The following OSBP2 variants were observed in gnomAD, a reference collection of about 807,000 sequenced individuals.
OSBP2 encodes the protein oxysterol binding protein 2, also known as oxysterol-binding protein 2.
In OSBP2, 66 loss-of-function variants were observed where a neutral mutation model predicts 96.0. The ratio of observed to expected loss-of-function variants is 0.69; its 90% CI spans 0.56 to 0.84. The LOEUF (loss-of-function observed/expected upper bound fraction) is 0.84. OSBP2 is among the 40% of genes least tolerant of loss of function. OSBP2 has a pLI of 0.00. For synonymous variants in OSBP2, 525 were observed against 520.9 expected, an observed-to-expected ratio of 1.01 and a Z score of -0.11; for missense variants, 1,038 against 1,222.7, an observed-to-expected ratio of 0.85 and a Z score of 2.25.
In OSBP2 at chr22:30,893,745, C is replaced by T; in HGVS notation, c.2190+12C>T. 1 of 1,613,786 alleles carries T rather than the reference C, an allele frequency of 6.2e-7. No individual in the cohort carries two copies. Among genetic ancestry groups the T allele is most frequent in the East Asian group, 2.2e-5 (1 of 44,880 alleles). Reference sequence around the variant, plus strand: ...AGGCAGCCCGGAAGGTAAGCAGGACCAGCCACCTCTAAGCACCCCAGGGGG... The same window carrying T: ...AGGCAGCCCGGAAGGTAAGCAGGACTAGCCACCTCTAAGCACCCCAGGGGG... On this transcript the variant is annotated intron_variant, in intron 11 of 13. Transcript: ENST00000332585.
chr22:30,817,800 T>A (rs774743977), intron 2 of OSBP2, among the ~76,000 whole-genome samples: 1 of 152,134 alleles, frequency 6.6e-6, no homozygotes, highest in Non-Finnish European at 1.5e-5. Context: ...TTGTTGGAGA[T>A]AGACAAGTAA....
intron 2 of OSBP2, among the ~76,000 whole-genome samples, chr22:30,862,246 C>T (rs1446628704): frequency 1.3e-5 from 2 of 152,234 alleles, no homozygotes; most frequent in East Asian, 3.9e-4. Flanking sequence ...CCGCCTGCCC[C>T]CTCTAGGCCA....
At chr22:30,722,397 T>G (rs936364458) in intron 1 of OSBP2, among the ~76,000 whole-genome samples, 1 of 152,192 alleles carries the variant, frequency 6.6e-6, no homozygotes, top group Admixed American at 6.5e-5. Flanking sequence ...CCACACTCAG[T>G]CAAATCCCAC....
intron 1 of OSBP2, among the ~76,000 whole-genome samples, chr22:30,726,469 G>A (rs903423249): frequency 6.6e-6 from 1 of 151,986 alleles, no homozygotes; most frequent in Non-Finnish European, 1.5e-5. Context: ...ATCACACACT[G>A]GGGTCTGTCA....
intron 2 of OSBP2, among the ~76,000 whole-genome samples, chr22:30,752,981 C>T (rs888755944): frequency 1.3e-5 from 2 of 152,112 alleles, no homozygotes; most frequent in Non-Finnish European, 2.9e-5. Context: ...AGAGGCATGT[C>T]CAACCCCCAC....
In OSBP2 at chr22:30,858,186, C is replaced by T. The variant is rs556690406; in HGVS notation, c.854-12243C>T. On this transcript the variant is annotated intron_variant, in intron 2 of 13. Transcript: ENST00000332585. ...ACGGAGTCTCGCTCTGTCGCCCAGG[C>T]CGGACTGCGGACTGCAGTGGCGCAA... Among the ~76,000 whole-genome samples, 202 of 145,422 alleles carry T rather than the reference C, an allele frequency of 1.4e-3. 1 individual carries two copies. The highest frequency in any genetic ancestry group is 5.2e-3 in the African/African-American group (194 of 37,656).
At chr22:30,874,793 G>A (rs190154777) in intron 3 of OSBP2, among the ~76,000 whole-genome samples, 39 of 152,356 alleles carry the variant, frequency 2.6e-4, no homozygotes, top group Non-Finnish European at 5.0e-4. Context: ...TCACCCTTCA[G>A]GTACTGGCAG....
intron 5 of OSBP2, 131 bp from the exon 6 acceptor site, chr22:30,889,046 A>G: frequency 1.4e-6 from 1 of 722,142 alleles, no homozygotes; most frequent in Non-Finnish European, 2.3e-6. Flanking sequence ...GCCTGTCTAC[A>G]CACAGAACAC....
At chr22:30,853,286 C>A (rs951154135) in intron 2 of OSBP2, among the ~76,000 whole-genome samples, 1 of 152,168 alleles carries the variant, frequency 6.6e-6, no homozygotes, top group Admixed American at 6.5e-5. Context: ...TACCTTTAAG[C>A]TCTGTCACGA....
chr22:30,905,134 CTTTTTTTTTTTTTTTTTT>C (rs566334052), intron 12 of OSBP2, among the ~76,000 whole-genome samples: 4 of 68,704 alleles, frequency 5.8e-5, no homozygotes, highest in Non-Finnish European at 8.0e-5. Context: ...CGAGACCCGT[CTTTTTTTTTTTTTTTTTT>C]TTTTTTTTTT....
Position 30,881,476 on chromosome 22 carries a change from GTC to G in OSBP2, c.1108-5945_1108-5944del, listed in dbSNP as rs2039701153. Among the ~76,000 whole-genome samples, 1 of 152,134 alleles carries G rather than the reference GTC, an allele frequency of 6.6e-6. No homozygotes were observed. Among genetic ancestry groups the G allele is most frequent in the Admixed American group, 6.5e-5 (1 of 15,284 alleles). On this transcript the variant is annotated intron_variant, in intron 3 of 13. Transcript: ENST00000332585. This position sits in a 1 kb window ranked among gnomAD's most constrained non-coding sequence, Gnocchi z 4.5. ...CGGGTAGGGGGCTTCAGGTCAGCCCGTCTCTCCTCCTGCTCACAGCTGAGCAC... is the reference window on the plus strand; with the variant it reads ...CGGGTAGGGGGCTTCAGGTCAGCCCGTCTCCTCCTGCTCACAGCTGAGCAC...
intron 2 of OSBP2, among the ~76,000 whole-genome samples, chr22:30,756,032 C>T (rs1267902793): frequency 3.3e-5 from 5 of 152,222 alleles, no homozygotes; most frequent in Non-Finnish European, 7.3e-5. Context: ...CTGTCCACCT[C>T]TGCCCCCACA....
At chr22:30,893,276 G>C (rs1284445559) in intron 9 of OSBP2, 34 bp downstream of exon 9, 2 of 1,613,730 alleles carry the variant, frequency 1.2e-6, no homozygotes, top group African/African-American at 1.3e-5. Flanking sequence ...CTGGGACACA[G>C]AGACATTGTG....
chr22:30,816,844 T>G (rs1273910070), intron 2 of OSBP2, among the ~76,000 whole-genome samples: 1 of 152,154 alleles, frequency 6.6e-6, no homozygotes, highest in African/African-American at 2.4e-5. Context: ...CAAGCAACTC[T>G]CCTGCCTCAG....
rs146100342 is a variant in OSBP2 at position 30,809,189 on chromosome 22, C to T, written c.854-61240C>T. On this transcript the variant is annotated intron_variant, in intron 2 of 13. Transcript: ENST00000332585. ...GATTTTAGACATCCGGCCTCCAGAA[C>T]GGCAAGCAGATGAATTTCTGTTGTT... is the stretch of plus-strand genomic sequence containing the variant. 4.2e-4 allele frequency among the ~76,000 whole-genome samples: 64 copies of T among 152,296 alleles called. 1 individual carries two copies. The highest frequency in any genetic ancestry group is 1.5e-3 in the African/African-American group (61 of 41,560).
chr22:30,770,682 G>A (rs1349076886), intron 2 of OSBP2: 3 of 152,310 alleles, frequency 2.0e-5, no homozygotes, highest in Non-Finnish European at 4.4e-5. Context: ...AAGGGGAGAG[G>A]TGTGTCCACA....
intron 2 of OSBP2, among the ~76,000 whole-genome samples, chr22:30,791,354 T>C: frequency 7.5e-6 from 1 of 133,602 alleles, no homozygotes; most frequent in Non-Finnish European, 1.6e-5. Flanking sequence ...TTTGACAGAG[T>C]CTGGCTCTGT....
At chr22:30,824,486 G>A (rs898426151) in intron 2 of OSBP2, among the ~76,000 whole-genome samples, 1 of 152,156 alleles carries the variant, frequency 6.6e-6, no homozygotes, top group Non-Finnish European at 1.5e-5. Flanking sequence ...AGAGAAGCTG[G>A]AAATCTCAGT....
At chr22:30,882,430 C>T (rs1172669929) in intron 3 of OSBP2, among the ~76,000 whole-genome samples, 1 of 151,984 alleles carries the variant, frequency 6.6e-6, no homozygotes, top group Non-Finnish European at 1.5e-5. Context: ...CCTGGCCCTA[C>T]ACACACCTCC....
Sources: allele counts gnomAD v4.1 joint callset (sites outside exome capture counted in the v4.1 genomes callset), GRCh38; gene constraint gnomAD v4.1.1; non-coding constraint Gnocchi (gnomAD v3.1); transcripts MANE v1.5; gene names NCBI Gene and HGNC (gene_info 2026-07-23, HGNC 2026-07-21).